The following GOLIM4 variants were observed in gnomAD, a reference collection of about 807,000 sequenced individuals.
GOLIM4 encodes the protein golgi integral membrane protein 4.
A neutral mutation model predicts 107.4 loss-of-function variants in GOLIM4; 71 were observed. The ratio of observed to expected loss-of-function variants is 0.66; its 90% CI spans 0.55 to 0.81. GOLIM4 has a LOEUF of 0.81. Among genes scored for constraint, GOLIM4 ranks in the 30% least tolerant of loss-of-function variants. GOLIM4 has a pLI of 0.00. For missense variants in GOLIM4, 830 were observed against 826.1 expected (o/e 1.00, Z -0.06); for synonymous variants, 327 against 294.8 (o/e 1.11, Z -1.12).
intron 1 of GOLIM4, among the ~76,000 whole-genome samples, chr3:168,055,144 C>A (rs1294580027): frequency 6.6e-6 from 1 of 152,020 alleles, no homozygotes; most frequent in African/African-American, 2.4e-5. Context: ...TGGGGTGCTG[C>A]TGAAAAGATA....
At chr3:168,068,683 T>C (rs928664998) in intron 1 of GOLIM4, among the ~76,000 whole-genome samples, 6 of 151,926 alleles carry the variant, frequency 3.9e-5, no homozygotes, top group Non-Finnish European at 8.8e-5. Flanking sequence ...ACAAAACAAC[T>C]TAGATTTTAA....
At chr3:168,048,091 CA>C (rs1719413793) in intron 2 of GOLIM4, among the ~76,000 whole-genome samples, 199 bp downstream of exon 2, 1 of 152,096 alleles carries the variant, frequency 6.6e-6, no homozygotes, top group South Asian at 2.1e-4. Flanking sequence ...AAACTGAATA[CA>C]GTATTCTAAA....
At chr3:168,016,934 C>T (rs1445161287) in intron 14 of GOLIM4, among the ~76,000 whole-genome samples, 10 of 143,734 alleles carry the variant, frequency 7.0e-5, no homozygotes, top group Admixed American at 6.7e-4. Context: ...GGAAATATAC[C>T]TAATGCTAGA....
At chr3:168,071,920 G>T (rs1720852074) in intron 1 of GOLIM4, among the ~76,000 whole-genome samples, 1 of 152,112 alleles carries the variant, frequency 6.6e-6, no homozygotes, top group Non-Finnish European at 1.5e-5. Flanking sequence ...GAGTTTCCCT[G>T]TTGTGAACTC....
chr3:168,049,046 C>A (rs549381361), intron 1 of GOLIM4, among the ~76,000 whole-genome samples: 1 of 152,168 alleles, frequency 6.6e-6, no homozygotes, highest in Admixed American at 6.5e-5. Flanking sequence ...AAGAAACCAG[C>A]GGCAAACCGA....
chr3:168,059,995 GGAA>G (rs1720172797), intron 1 of GOLIM4, among the ~76,000 whole-genome samples: 1 of 152,156 alleles, frequency 6.6e-6, no homozygotes, highest in Non-Finnish European at 1.5e-5. Flanking sequence ...GGGTGAGCCC[GGAA>G]AGTCAAAGCA....
At chr3:168,052,349 T>C (rs559976811) in intron 1 of GOLIM4, among the ~76,000 whole-genome samples, 1 of 143,048 alleles carries the variant, frequency 7.0e-6, no homozygotes, top group South Asian at 2.1e-4. Context: ...TATATGCATA[T>C]ATGTGCATAT....
chr3:168,034,140 G>C (rs1284575367), intron 8 of GOLIM4, among the ~76,000 whole-genome samples: 1 of 151,830 alleles, frequency 6.6e-6, no homozygotes. Context: ...AGGACAACTG[G>C]AGTTGCACAT....
chr3:168,048,884 T>C (rs1271776867), intron 1 of GOLIM4, among the ~76,000 whole-genome samples: 2 of 152,040 alleles, frequency 1.3e-5, no homozygotes, highest in African/African-American at 2.4e-5. Context: ...AGCATACCAC[T>C]GGAATGAAAG....
chr3:168,027,493 G>A (rs574680592), intron 12 of GOLIM4, among the ~76,000 whole-genome samples: 1 of 149,644 alleles, frequency 6.7e-6, no homozygotes, highest in Non-Finnish European at 1.5e-5. Flanking sequence ...AAAAAATCCT[G>A]GTTTTGTTTT....
rs544081202 is a variant in GOLIM4, at chr3:168,052,297, C to A, written c.188-3932G>T. ...GCGATCTCCCCTGAGCCCTTCCAAC[C>A]CTACAGTTAAAGTCTAATAACAAAG... is the stretch of plus-strand genomic sequence containing the variant. On this transcript the variant is annotated intron_variant, in intron 1 of 15. Coordinates refer to ENST00000470487, the MANE Select transcript of GOLIM4 (RefSeq NM_014498.5). Among the ~76,000 whole-genome samples, 207 of 152,116 alleles carry A rather than the reference C, an allele frequency of 1.4e-3. 1 individual carries two copies. Among genetic ancestry groups the A allele is most frequent in the African/African-American group, 4.7e-3 (194 of 41,506 alleles).
intron 1 of GOLIM4, among the ~76,000 whole-genome samples, chr3:168,077,589 T>C (rs888052280): frequency 6.6e-6 from 1 of 152,214 alleles, no homozygotes; most frequent in Admixed American, 6.5e-5. Flanking sequence ...TTTGTTGTTG[T>C]AGGCCACTAA....
At chr3:168,043,319 C>T (rs2108246369) in intron 5 of GOLIM4, 60 bp downstream of exon 5, 1 of 1,221,802 alleles carries the variant, frequency 8.2e-7, no homozygotes, top group Admixed American at 2.2e-5. Flanking sequence ...TACAGTTGCA[C>T]TGAAACATTA....
At chr3:168,074,179 C>G (rs1720961779) in intron 1 of GOLIM4, among the ~76,000 whole-genome samples, 1 of 152,036 alleles carries the variant, frequency 6.6e-6, no homozygotes, top group African/African-American at 2.4e-5. Flanking sequence ...GTGGATCCTC[C>G]CTGGAGACTG....
chr3:168,062,568 G>A (rs991626484), intron 1 of GOLIM4, among the ~76,000 whole-genome samples: 2 of 151,998 alleles, frequency 1.3e-5, no homozygotes, highest in African/African-American at 4.8e-5. Flanking sequence ...CATTAAACAG[G>A]GTCATGTGGG....
intron 8 of GOLIM4, among the ~76,000 whole-genome samples, chr3:168,034,958 A>C (rs1416649130): frequency 6.6e-6 from 1 of 152,042 alleles, no homozygotes; most frequent in East Asian, 1.9e-4. Context: ...TTCTTTTTTA[A>C]ATCAACCAGT....
chr3:168,046,824 GT>G, intron 3 of GOLIM4, 125 bp downstream of exon 3: 1 of 464,076 alleles, frequency 2.2e-6, no homozygotes. Context: ...AAAAAAGGGG[GT>G]GTCAGTCCTA....
intron 11 of GOLIM4, among the ~76,000 whole-genome samples, 164 bp downstream of exon 11, chr3:168,029,059 C>T (rs1718164075): frequency 6.6e-6 from 1 of 152,170 alleles, no homozygotes; most frequent in African/African-American, 2.4e-5. Flanking sequence ...TCACTACCAG[C>T]ATGTACTGTT....
At chr3:168,061,918 T>C (rs1720295942) in intron 1 of GOLIM4, among the ~76,000 whole-genome samples, 1 of 152,206 alleles carries the variant, frequency 6.6e-6, no homozygotes, top group South Asian at 2.1e-4. Flanking sequence ...CTACACTGTT[T>C]GCTTTGTGAA....
Sources: allele counts gnomAD v4.1 joint callset (sites outside exome capture counted in the v4.1 genomes callset), GRCh38; gene constraint gnomAD v4.1.1; transcripts MANE v1.5; gene names NCBI Gene and HGNC (gene_info 2026-07-23, HGNC 2026-07-21).